CARMIL1: variants seen among roughly 807,000 people sequenced by gnomAD.
CARMIL1 encodes F-actin-uncapping protein LRRC16A.
Under a neutral mutation model 177.1 loss-of-function variants are expected in CARMIL1, and 90 were observed. The ratio of observed to expected loss-of-function variants is 0.51; its 90% CI spans 0.43 to 0.61. The LOEUF is 0.61. CARMIL1 is among the 20% of genes least tolerant of loss of function. The pLI is 0.00. For missense variants in CARMIL1, 1,380 were observed against 1,667.0 expected (o/e 0.83, Z 3.00); for synonymous variants, 577 against 606.2 (o/e 0.95, Z 0.71).
At chr6:25,528,734 A>G (rs1807412253) in intron 23 of CARMIL1, 61 bp from the exon 24 acceptor site, 1 of 1,234,016 alleles carries the variant, frequency 8.1e-7, no homozygotes, top group African/African-American at 1.5e-5. Flanking sequence ...TGTTTCACTT[A>G]TACTTTATTC....
At chr6:25,495,538 C>CGTGT (rs144132253) in intron 16 of CARMIL1, among the ~76,000 whole-genome samples, 13,226 of 144,870 alleles carry the variant, frequency 0.091, 674 homozygotes, top group Middle Eastern at 0.13. Context: ...TTCGTTTGTT[C>CGTGT]GTGTGTGTGT....
chr6:25,606,328 A>G, intron 35 of CARMIL1, 55 bp downstream of exon 35: 1 of 1,539,508 alleles, frequency 6.5e-7, no homozygotes, highest in East Asian at 2.3e-5. Context: ...TCCCAGAGCC[A>G]GCTGGATCAG....
chr6:25,559,218 G>A (rs1810902277), intron 29 of CARMIL1, among the ~76,000 whole-genome samples: 1 of 152,126 alleles, frequency 6.6e-6, no homozygotes, highest in Non-Finnish European at 1.5e-5. Context: ...TAGAGCAATA[G>A]ATTGCTCTTT....
At position 25,388,002 on chromosome 6, in the gene CARMIL1, A is replaced by C. The variant is rs1792352777; in HGVS notation, c.139-32112A>C. Among the ~76,000 whole-genome samples, 2 of 152,326 alleles carry C rather than the reference A, an allele frequency of 1.3e-5. 1 individual carries two copies. Among genetic ancestry groups the C allele is most frequent in the South Asian group, 4.1e-4 (2 of 4,824 alleles). On this transcript the variant is annotated intron_variant, in intron 2 of 36. Transcript: ENST00000329474. Reference sequence around the variant, plus strand: ...TGAGAGAAACAGTTCATAAGAAAAAAAGAGAAAAAGATCTTGAGCAGATAG... The same window carrying C: ...TGAGAGAAACAGTTCATAAGAAAAACAGAGAAAAAGATCTTGAGCAGATAG...
chr6:25,390,320 A>ATATATATATATATATATATTTT (rs1554184839), intron 2 of CARMIL1, among the ~76,000 whole-genome samples: 2 of 58,096 alleles, frequency 3.4e-5, no homozygotes, highest in Non-Finnish European at 6.7e-5. Flanking sequence ...ATATATATAT[A>ATATATATATATATATATATTTT]TTTTTTTTTT....
intron 2 of CARMIL1, among the ~76,000 whole-genome samples, chr6:25,302,839 A>G (rs1481131153): frequency 1.3e-5 from 2 of 152,220 alleles, no homozygotes; most frequent in African/African-American, 2.4e-5. Context: ...CTCTCTGACT[A>G]GTTCATCTGA....
chr6:25,420,215 C>T, intron 3 of CARMIL1, 51 bp downstream of exon 3: 2 of 1,540,696 alleles, frequency 1.3e-6, no homozygotes, highest in African/African-American at 1.4e-5. Context: ...CTCATACCCA[C>T]TCATGCATAG....
intron 32 of CARMIL1, among the ~76,000 whole-genome samples, chr6:25,598,699 T>A (rs1815089146): frequency 6.6e-6 from 1 of 152,202 alleles, no homozygotes; most frequent in Admixed American, 6.5e-5. Context: ...TTGCTATTAT[T>A]CATGTTGGTG....
rs907744557 is a variant in CARMIL1 at position 25,515,550 on chromosome 6, G to A, written c.1633-125G>A. 1.2e-6 allele frequency: 1 copy of A among 822,118 alleles called. No individual in the cohort carries two copies. The allele number at this position is 822,118 out of a possible 1,614,324, so 50.9% of individuals were successfully genotyped here. A position where few individuals can be genotyped will look rare whatever the true frequency, so the allele number is the denominator to read the frequency against. On this transcript the variant is annotated intron_variant, in intron 20 of 36. Transcript: ENST00000329474. This position sits in a 1 kb window ranked among gnomAD's most constrained non-coding sequence, Gnocchi z 5.0. ...GTTTCTATCCACGAGTGTCTTTTAG[G>A]TAGTAGTTCTAAAATCAGACACGTG...
At chr6:25,439,646 C>A (rs901316977) in intron 5 of CARMIL1, among the ~76,000 whole-genome samples, 1 of 151,972 alleles carries the variant, frequency 6.6e-6, no homozygotes, top group Non-Finnish European at 1.5e-5. Flanking sequence ...AACATAGGCA[C>A]CTTGATGAGA....
At chr6:25,466,798 A>G (rs1181798121) in intron 9 of CARMIL1, among the ~76,000 whole-genome samples, 2 of 152,162 alleles carry the variant, frequency 1.3e-5, no homozygotes, top group Non-Finnish European at 2.9e-5. Flanking sequence ...GGCCTAAAAC[A>G]TTATAAGTAT....
chr6:25,451,986 G>GGACCC, intron 8 of CARMIL1: 1 of 112,672 alleles, frequency 8.9e-6, no homozygotes, highest in Non-Finnish European at 1.7e-5. Context: ...CTAGCATCTT[G>GGACCC]CCCCCCCCTC....
At chr6:25,541,808 C>T (rs1356851957) in intron 26 of CARMIL1, among the ~76,000 whole-genome samples, 1 of 152,110 alleles carries the variant, frequency 6.6e-6, no homozygotes, top group African/African-American at 2.4e-5. Flanking sequence ...TGCCGGCCAC[C>T]ACACCCGGCT....
chr6:25,606,502 T>A (rs974489304), intron 35 of CARMIL1, among the ~76,000 whole-genome samples: 1 of 152,242 alleles, frequency 6.6e-6, no homozygotes. Context: ...ACTCTGAGAC[T>A]GTCCTTGCTT....
chr6:25,324,970 C>A (rs1264897970), intron 2 of CARMIL1, among the ~76,000 whole-genome samples: 1 of 151,598 alleles, frequency 6.6e-6, no homozygotes, highest in Non-Finnish European at 1.5e-5. Context: ...GACCAGGGGC[C>A]AAGCCATGCA....
intron 2 of CARMIL1, among the ~76,000 whole-genome samples, chr6:25,334,318 A>G (rs1785997048): frequency 6.6e-6 from 1 of 152,210 alleles, no homozygotes; most frequent in African/African-American, 2.4e-5. Flanking sequence ...CCGATTAATT[A>G]CTTAGAGAGA....
At chr6:25,382,643 G>T (rs938402052) in intron 2 of CARMIL1, among the ~76,000 whole-genome samples, 1 of 152,084 alleles carries the variant, frequency 6.6e-6, no homozygotes, top group Non-Finnish European at 1.5e-5. Context: ...TAGACACAGA[G>T]TGCTGATTGG....
intron 17 of CARMIL1, among the ~76,000 whole-genome samples, chr6:25,502,115 A>G (rs1278578283): frequency 3.3e-5 from 5 of 151,832 alleles, no homozygotes; most frequent in Non-Finnish European, 7.4e-5. Flanking sequence ...GTAGAAACCA[A>G]ATCTGGTAAT....
At chr6:25,381,396 T>C (rs1326511644) in intron 2 of CARMIL1, among the ~76,000 whole-genome samples, 1 of 152,174 alleles carries the variant, frequency 6.6e-6, no homozygotes, top group East Asian at 1.9e-4. Flanking sequence ...AACCAATTCT[T>C]CGACTCTGAC....
Sources: gnomAD v4.1 joint callset for allele counts (sites outside exome capture counted in the v4.1 genomes callset) on GRCh38, gnomAD v4.1.1 for gene constraint, Gnocchi (gnomAD v3.1) non-coding constraint, MANE v1.5 for transcripts, NCBI Gene and HGNC (gene_info 2026-07-23, HGNC 2026-07-21) for gene names.